Variants in GFY observed in about 807,000 individuals in gnomAD.
GFY encodes golgi associated olfactory signaling regulator, also known as Golgi-associated olfactory signaling regulator.
Under a neutral mutation model 29.1 loss-of-function variants are expected in GFY, and 28 were observed. The observed-to-expected ratio is 0.96, with a 90% CI of 0.71 to 1.32. The LOEUF (loss-of-function observed/expected upper bound fraction) is 1.32. Ranked by LOEUF, GFY falls within the 40% of genes most tolerant of loss-of-function variation. The pLI is 0.00. For missense variants in GFY, 656 were observed against 661.9 expected (o/e 0.99, Z 0.10); for synonymous variants, 277 against 274.5 (o/e 1.01, Z -0.09).
At position 49,426,442 on chromosome 19, in the gene GFY, C is replaced by T; in HGVS notation, c.12C>T (p.Phe4=). 2.0e-6 allele frequency: 3 copies of T among 1,534,224 alleles called. No individual in the cohort carries two copies. In the South Asian group the frequency reaches 3.6e-5, roughly 18 times the overall value. Residue 4 remains phenylalanine (F), a synonymous_variant, in exon 2 of 4, where the codon TTC becomes TTT. Transcript: ENST00000610896. ...TATCTGCCAGAGCTATGAAATCATTCAGCCGGATCCTCTTCCTCGTCTTCC... is the reference window on the plus strand; with the variant it reads ...TATCTGCCAGAGCTATGAAATCATTTAGCCGGATCCTCTTCCTCGTCTTCC... MKS[F]SRILFLVFLL...
intron 1 of GFY, among the ~76,000 whole-genome samples, 196 bp from the exon 2 acceptor site, chr19:49,426,214 C>T (rs1050187200): frequency 6.6e-6 from 1 of 152,260 alleles, no homozygotes; most frequent in East Asian, 1.9e-4. Context: ...GCGCCTCAGT[C>T]TCTCTTGGCT....
In GFY at chr19:49,427,412, G is replaced by T; in HGVS notation, c.982G>T (p.Gly328Ter). The stretch of plus-strand genomic sequence containing the variant: ...AAAATTGCCCACTTCAGATTCTCCA[G>T]GAATGGTTGAGCTGAAGGCCCCCCA... ...SPKLPTSDSP[G>*]MVELKAPQNS... Residue 328 changes from glycine to a stop codon, truncating the protein, a stop_gained, in exon 2 of 4, where the codon GGA (glycine) becomes TGA (stop). Coordinates refer to ENST00000610896, the MANE Select transcript of GFY (RefSeq NM_001195256.2). LOFTEE classifies it high-confidence loss of function. The T allele has an allele frequency of 6.5e-6, 10 of 1,535,896 alleles. No individual in the cohort carries two copies. The highest frequency in any genetic ancestry group is 8.7e-6 in the Non-Finnish European group (10 of 1,146,766).
At chr19:49,424,314 C>G (rs982490778), upstream of GFY, among the ~76,000 whole-genome samples, 2 of 152,202 alleles carry the variant, frequency 1.3e-5, no homozygotes, top group African/African-American at 4.8e-5. Context: ...ACTATCTCGG[C>G]TCACTGCAAC....
intron 1 of GFY, 61 bp from the exon 2 acceptor site, chr19:49,426,349 A>G (rs968529607): frequency 6.9e-7 from 1 of 1,443,922 alleles, no homozygotes; most frequent in Non-Finnish European, 9.0e-7. Context: ...GGCCTCCGGG[A>G]GTGGGCGGGG....
rs1369608786 is a variant in GFY at position 49,427,068 on chromosome 19, C to T, written c.638C>T (p.Ser213Phe). 1 of 1,535,706 alleles carries T rather than the reference C, an allele frequency of 6.5e-7. No individual in the cohort carries two copies. The highest frequency in any genetic ancestry group is 2.4e-5 in the East Asian group (1 of 40,890). ...TNPTKTPDPK[S>F]PEKHDLNSTE... ...CCTACCAAGACCCCTGACCCCAAAT[C>T]CCCAGAAAAGCATGACCTCAACTCC... is the stretch of plus-strand genomic sequence containing the variant. The change falls in exon 2 of 4, where the codon TCC (serine) becomes TTC (phenylalanine). Residue 213 changes from serine to phenylalanine, a missense_variant. Transcript: ENST00000610896.
Position 49,428,006 on chromosome 19 carries a change from C to A in GFY, c.1244C>A (p.Ala415Glu). ...GGCGGGGCCCTCTGCCTGTTCTTCG[C>A]GGGGACCGCGCTGCTGATCGGCATC... ...AAGGALCLFF[A>E]GTALLIGIFV... Residue 415 changes from alanine (A) to glutamate (E), a missense_variant, in exon 3 of 4, where the codon GCG becomes GAG. By Grantham distance (107) the Ala-to-Glu change is moderately radical. Coordinates refer to ENST00000610896, the MANE Select transcript of GFY (RefSeq NM_001195256.2). 6.5e-7 allele frequency: 1 copy of A among 1,535,926 alleles called. No individual in the cohort carries two copies. Among genetic ancestry groups the A allele is most frequent in the Middle Eastern group, 1.7e-4 (1 of 5,988 alleles).
rs1286801693 is a variant in GFY at position 49,428,143 on chromosome 19, CCTGCA to C, written c.1357+27_1357+31del. On this transcript the variant is annotated intron_variant, in intron 3 of 3. Coordinates refer to ENST00000610896, the MANE Select transcript of GFY (RefSeq NM_001195256.2). Reference sequence around the variant, plus strand: ...GGGTGAGCGCCCTGCCCCTTGAATGCCTGCACTTTTCCATAACCTGGTCTCTCCCG... The same window carrying C: ...GGGTGAGCGCCCTGCCCCTTGAATGCCTTTTCCATAACCTGGTCTCTCCCG... 1.3e-5 allele frequency: 19 copies of C among 1,519,206 alleles called. No homozygotes were observed. In the East Asian group the frequency reaches 4.7e-4, roughly 38 times the overall value. The allele number at this position is 1,519,206 out of a possible 1,614,324, so 94.1% of individuals were successfully genotyped here. A position where few individuals can be genotyped will look rare whatever the true frequency, so the allele number is the denominator to read the frequency against.
In GFY at chr19:49,427,510, G is replaced by A; in HGVS notation, c.1080G>A (p.Gly360=). Residue 360 remains glycine, a synonymous_variant, in exon 2 of 4, where the codon GGG becomes GGA. Coordinates refer to ENST00000610896, the MANE Select transcript of GFY (RefSeq NM_001195256.2). ...TTGCAGGTCCCCCTGCTCTTCCAGGGCGCCCCAGTCAGTTGGCCCCTGCCA... is the reference window on the plus strand; with the variant it reads ...TTGCAGGTCCCCCTGCTCTTCCAGGACGCCCCAGTCAGTTGGCCCCTGCCA... ...ARIAGPPALP[G]RPSQLAPATL... is the part of the protein sequence containing the mutation. 1 of 1,531,114 alleles carries A rather than the reference G, an allele frequency of 6.5e-7. No individual in the cohort carries two copies. The highest frequency in any genetic ancestry group is 1.4e-5 in the African/African-American group (1 of 73,012). The allele number at this position is 1,531,114 out of a possible 1,614,324, so 94.8% of individuals were successfully genotyped here.
At chr19:49,428,244 T>C (rs781254915) in intron 3 of GFY, 125 bp downstream of exon 3, 55 of 1,201,610 alleles carry the variant, frequency 4.6e-5, no homozygotes, top group Non-Finnish European at 5.4e-5. Flanking sequence ...GGCTCTTCCA[T>C]GGCAACGTCC....
chr19:49,426,736 T>C lies in GFY; in HGVS notation c.306T>C (p.Pro102=). 3 of 1,534,430 alleles carry C rather than the reference T, an allele frequency of 2.0e-6. No individual in the cohort carries two copies. The highest frequency in any genetic ancestry group is 1.7e-6 in the Non-Finnish European group (2 of 1,146,508). ...DLRETPHPES[P]ETPKADSLTT... ...GAGAAACCCCGCACCCAGAGTCTCC[T>C]GAGACCCCCAAAGCTGACTCACTCA... The change falls in exon 2 of 4, where the codon CCT becomes CCC. Residue 102 remains proline (P), a synonymous_variant. Coordinates refer to ENST00000610896, the MANE Select transcript of GFY (RefSeq NM_001195256.2).
intron 3 of GFY, 43 bp from the exon 4 acceptor site, chr19:49,428,576 G>A: frequency 7.3e-7 from 1 of 1,375,106 alleles, no homozygotes; most frequent in African/African-American, 1.5e-5. Flanking sequence ...AAGGGGGCCT[G>A]GAGGGTCAGC....
chr19:49,428,147 C>A, intron 3 of GFY, 28 bp downstream of exon 3: 1 of 1,518,338 alleles, frequency 6.6e-7, no homozygotes, highest in Non-Finnish European at 8.8e-7. Context: ...TGAATGCCTG[C>A]ACTTTTCCAT....
At chr19:49,426,280 A>G in intron 1 of GFY, 130 bp from the exon 2 acceptor site, 1 of 1,399,680 alleles carries the variant, frequency 7.1e-7, no homozygotes. Flanking sequence ...TTCTCTTCCC[A>G]TCCCTGGCGC....
In GFY at chr19:49,428,843, G is replaced by A. The variant is rs1387655694; in HGVS notation, c.*25G>A. 4 of 1,404,580 alleles carry A rather than the reference G, an allele frequency of 2.8e-6. No individual in the cohort carries two copies. In the East Asian group the frequency reaches 1.1e-4, roughly 38 times the overall value. The allele number at this position is 1,404,580 out of a possible 1,614,324, so 87.0% of individuals were successfully genotyped here. ...AGCCCCACCGAGTTCTGCCGGACCT[G>A]CACATCCCCACAGTGAAGGAAAACC... is the stretch of plus-strand genomic sequence containing the variant. On this transcript the variant is annotated 3_prime_UTR_variant, in exon 4 of 4. Coordinates refer to ENST00000610896, the MANE Select transcript of GFY (RefSeq NM_001195256.2).
chr19:49,427,133 C>G lies in GFY; in HGVS notation c.703C>G (p.Pro235Ala). ...CTCTGAATTTCTCCAAGCTCTCCATCCTGACCCTTCTAAAACCCCCCACCC... is the reference window on the plus strand; with the variant it reads ...CTCTGAATTTCTCCAAGCTCTCCATGCTGACCCTTCTAAAACCCCCCACCC... ...PNSEFLQALH[P>A]DPSKTPHPES... The change falls in exon 2 of 4, where the codon CCT becomes GCT. Residue 235 changes from proline (P) to alanine (A), a missense_variant. Coordinates refer to ENST00000610896, the MANE Select transcript of GFY (RefSeq NM_001195256.2). The G allele has an allele frequency of 6.5e-7, 1 of 1,535,980 alleles. No homozygotes were observed. The highest frequency in any genetic ancestry group is 8.7e-7 in the Non-Finnish European group (1 of 1,146,906).
At position 49,426,562 on chromosome 19, in the gene GFY, T is replaced by A. The variant is rs1233616750; in HGVS notation, c.132T>A (p.Pro44=). The A allele has an allele frequency of 6.5e-7, 1 of 1,535,984 alleles. No homozygotes were observed. The highest frequency in any genetic ancestry group is 1.4e-5 in the African/African-American group (1 of 73,082). ...TGGCCCACCCCTCTGAGACTTCCCCTCTGAAGGGTGCTTCTGAAAATTCCA... is the reference window on the plus strand; with the variant it reads ...TGGCCCACCCCTCTGAGACTTCCCCACTGAAGGGTGCTTCTGAAAATTCCA... ...PDMAHPSETS[P]LKGASENSKR... Residue 44 remains proline (P), a synonymous_variant, in exon 2 of 4, where the codon CCT becomes CCA. Coordinates refer to ENST00000610896, the MANE Select transcript of GFY (RefSeq NM_001195256.2).
chr19:49,426,285 TG>T, intron 1 of GFY, 124 bp from the exon 2 acceptor site: 1 of 1,409,576 alleles, frequency 7.1e-7, no homozygotes, highest in Non-Finnish European at 9.3e-7. Flanking sequence ...TTCCCATCCC[TG>T]GCGCCAAGCT....
chr19:49,423,820 G>A (rs1382287310), upstream of GFY: 1 of 157,818 alleles, frequency 6.3e-6, no homozygotes, highest in Non-Finnish European at 1.4e-5. Flanking sequence ...GAATGGGAAC[G>A]ACAGAAAAAG....
At position 49,428,078 on chromosome 19, in the gene GFY, C is replaced by G; in HGVS notation, c.1316C>G (p.Pro439Arg). 1 of 1,534,894 alleles carries G rather than the reference C, an allele frequency of 6.5e-7. No individual in the cohort carries two copies. Among genetic ancestry groups the G allele is most frequent in the Non-Finnish European group, 8.7e-7 (1 of 1,145,860 alleles). Residue 439 changes from proline (P) to arginine (R), a missense_variant, in exon 3 of 4, where the codon CCC becomes CGC. Physicochemically the swap from Pro to Arg is moderately radical, Grantham distance 103. Coordinates refer to ENST00000610896, the MANE Select transcript of GFY (RefSeq NM_001195256.2). ...CLYRRAARQRPFAHHRLPDDG... is the reference protein window; with the variant it reads ...CLYRRAARQRRFAHHRLPDDG... ...TACCGCCGGGCAGCTAGACAGCGGC[C>G]CTTCGCACATCACCGGCTTCCGGAC... is the stretch of plus-strand genomic sequence containing the variant.
Sources: gnomAD v4.1 joint callset for allele counts (sites outside exome capture counted in the v4.1 genomes callset) on GRCh38, gnomAD v4.1.1 for gene constraint, MANE v1.5 for transcripts, NCBI Gene and HGNC (gene_info 2026-07-23, HGNC 2026-07-21) for gene names.